The following RNGTT variants were observed in gnomAD, a reference collection of about 807,000 sequenced individuals.
The protein encoded by RNGTT is RNA guanylyltransferase and 5'-phosphatase.
RNGTT carries 33 observed loss-of-function variants against 79.3 expected under a neutral mutation model. The ratio of observed to expected loss-of-function variants is 0.42; its 90% CI spans 0.32 to 0.56. The LOEUF is 0.56. Ranked by LOEUF, RNGTT falls within the 20% of genes least tolerant of loss-of-function variation. The probability of loss-of-function intolerance (pLI) is 0.17; values close to 1 mark genes in which losing one functional copy is unlikely to be tolerated. For missense variants in RNGTT, 497 were observed against 739.1 expected (o/e 0.67, Z 3.80); for synonymous variants, 222 against 235.9 (o/e 0.94, Z 0.54).
chr6:88,917,220 A>T (rs1417067501), intron 4 of RNGTT, among the ~76,000 whole-genome samples: 1 of 152,240 alleles, frequency 6.6e-6, no homozygotes, highest in Non-Finnish European at 1.5e-5. Flanking sequence ...TTTTGAAAAC[A>T]ACTATCAATT....
chr6:88,790,331 G>T (rs1299763866), intron 12 of RNGTT, among the ~76,000 whole-genome samples: 1 of 152,166 alleles, frequency 6.6e-6, no homozygotes, highest in African/African-American at 2.4e-5. Context: ...TCTATAGAAG[G>T]ACCACTAAAC....
chr6:88,954,440 AATCCTAT>A (rs1382379353), intron 1 of RNGTT, among the ~76,000 whole-genome samples: 1 of 152,204 alleles, frequency 6.6e-6, no homozygotes, highest in African/African-American at 2.4e-5. Flanking sequence ...AAAATATCAC[AATCCTAT>A]ATATGCACCT....
intron 6 of RNGTT, among the ~76,000 whole-genome samples, chr6:88,900,190 A>T (rs1051337509): frequency 6.6e-5 from 10 of 152,002 alleles, no homozygotes; most frequent in Non-Finnish European, 1.3e-4. Flanking sequence ...AAAAAAACTT[A>T]AAAAAAGATC....
chr6:88,616,291 T>C (rs1019730367), intron 14 of RNGTT, among the ~76,000 whole-genome samples: 3 of 152,238 alleles, frequency 2.0e-5, no homozygotes, highest in African/African-American at 7.2e-5. Flanking sequence ...CTTGGCTATT[T>C]TGGATAATGT....
At chr6:88,874,359 A>G (rs4273661) in intron 8 of RNGTT, among the ~76,000 whole-genome samples, 140,068 of 152,150 alleles carry the variant, frequency 0.92, 64,712 homozygotes, top group East Asian at 1. Context: ...TGTAAACAAC[A>G]TTTTAATTTT....
At chr6:88,765,787 AAG>A (rs1218564327) in intron 13 of RNGTT, among the ~76,000 whole-genome samples, 2 of 152,172 alleles carry the variant, frequency 1.3e-5, no homozygotes, top group African/African-American at 4.8e-5. Context: ...AGGTTATTTT[AAG>A]AGACTTGTTA....
intron 4 of RNGTT, among the ~76,000 whole-genome samples, chr6:88,919,487 A>G (rs1582130443): frequency 6.6e-6 from 1 of 151,960 alleles, no homozygotes; most frequent in Non-Finnish European, 1.5e-5. Context: ...CTCAACATAC[A>G]CTATTTTGGA....
chr6:88,789,425 T>TG (rs1779333051), intron 12 of RNGTT, among the ~76,000 whole-genome samples: 1 of 152,122 alleles, frequency 6.6e-6, no homozygotes, highest in Non-Finnish European at 1.5e-5. Context: ...CTGGGCATGG[T>TG]GGGGTGTGCC....
At chr6:88,852,003 A>G (rs1781689555) in intron 9 of RNGTT, among the ~76,000 whole-genome samples, 1 of 151,812 alleles carries the variant, frequency 6.6e-6, no homozygotes. Flanking sequence ...CCCTCAGCCC[A>G]CGTCCATCAA....
intron 1 of RNGTT, among the ~76,000 whole-genome samples, chr6:88,945,158 C>T (rs1303817277): frequency 6.6e-6 from 1 of 152,152 alleles, no homozygotes; most frequent in Non-Finnish European, 1.5e-5. Flanking sequence ...CACGCTATCC[C>T]CATTCTTTTG....
intron 12 of RNGTT, among the ~76,000 whole-genome samples, chr6:88,797,571 C>T (rs1779638760): frequency 6.6e-6 from 1 of 151,908 alleles, no homozygotes; most frequent in South Asian, 2.1e-4. Flanking sequence ...TATTTGACTG[C>T]ATTGATAAAA....
At chr6:88,618,003 T>G (rs1181714295) in intron 14 of RNGTT, among the ~76,000 whole-genome samples, 2 of 151,868 alleles carry the variant, frequency 1.3e-5, no homozygotes, top group African/African-American at 2.4e-5. Context: ...CAATGTGTAG[T>G]CTGCACTTTT....
intron 2 of RNGTT, among the ~76,000 whole-genome samples, chr6:88,936,763 T>C (rs1288675196): frequency 6.6e-6 from 1 of 152,226 alleles, no homozygotes; most frequent in Non-Finnish European, 1.5e-5. Context: ...ATAAACATAA[T>C]GCTAGCTTTA....
intron 11 of RNGTT, among the ~76,000 whole-genome samples, chr6:88,826,852 G>T (rs1216197887): frequency 6.9e-6 from 1 of 144,368 alleles, no homozygotes; most frequent in African/African-American, 2.6e-5. Flanking sequence ...ATATGTGTGT[G>T]TGTATATATA....
At chr6:88,927,174 G>A (rs1784346745) in intron 4 of RNGTT, among the ~76,000 whole-genome samples, 1 of 152,150 alleles carries the variant, frequency 6.6e-6, no homozygotes, top group South Asian at 2.1e-4. Flanking sequence ...CTAGCCCTAA[G>A]AAGAGAAAGA....
intron 11 of RNGTT, among the ~76,000 whole-genome samples, chr6:88,840,340 TAAG>T (rs1315779583): frequency 6.6e-6 from 1 of 152,116 alleles, no homozygotes; most frequent in African/African-American, 2.4e-5. Flanking sequence ...AAAACAATAA[TAAG>T]AACTGAAAGT....
chr6:88,955,930 A>G (rs1025077710), intron 1 of RNGTT, among the ~76,000 whole-genome samples: 1 of 150,624 alleles, frequency 6.6e-6, no homozygotes, highest in African/African-American at 2.4e-5. Flanking sequence ...AGTCCCAGCT[A>G]CTTGGGAGGC....
At chr6:88,851,321 T>C (rs1781666291) in intron 9 of RNGTT, among the ~76,000 whole-genome samples, 2 of 151,962 alleles carry the variant, frequency 1.3e-5, no homozygotes, top group African/African-American at 4.8e-5. Context: ...TATATAATTA[T>C]TAGCACAACA....
chr6:88,820,764 C>T (rs1026904264), intron 11 of RNGTT, among the ~76,000 whole-genome samples: 1 of 152,092 alleles, frequency 6.6e-6, no homozygotes, highest in African/African-American at 2.4e-5. Context: ...ATATAAAAAT[C>T]TGTATTAGAA....
Sources: allele counts gnomAD v4.1 joint callset (sites outside exome capture counted in the v4.1 genomes callset), GRCh38; gene constraint gnomAD v4.1.1; transcripts MANE v1.5; gene names NCBI Gene and HGNC (gene_info 2026-07-23, HGNC 2026-07-21).